SPOCK3: variants seen among roughly 807,000 people sequenced by gnomAD.
SPOCK3 encodes testican-3.
SPOCK3 carries 30 observed loss-of-function variants against 56.6 expected under a neutral mutation model. That is an observed-to-expected ratio of 0.53 (90% CI 0.40 to 0.72). SPOCK3 has a LOEUF of 0.72. Among genes scored for constraint, SPOCK3 ranks in the 30% least tolerant of loss-of-function variants. The probability of loss-of-function intolerance (pLI) is 0.00; values close to 1 mark genes in which losing one functional copy is unlikely to be tolerated. For synonymous variants in SPOCK3, 196 were observed against 183.3 expected, an observed-to-expected ratio of 1.07 and a Z score of -0.56; for missense variants, 527 against 530.0, an observed-to-expected ratio of 0.99 and a Z score of 0.06.
intron 3 of SPOCK3, among the ~76,000 whole-genome samples, chr4:167,008,727 G>A (rs1213914287): frequency 6.6e-6 from 1 of 152,018 alleles, no homozygotes; most frequent in Non-Finnish European, 1.5e-5. Context: ...TCTAAGTGAA[G>A]TAACACAGAA....
At chr4:167,044,506 G>T (rs554836969) in intron 3 of SPOCK3, among the ~76,000 whole-genome samples, 2 of 151,986 alleles carry the variant, frequency 1.3e-5, no homozygotes, top group South Asian at 4.2e-4. Context: ...GAGCCTGTAA[G>T]ACTGATTTTA....
At chr4:167,154,087 T>C (rs906487498) in intron 2 of SPOCK3, among the ~76,000 whole-genome samples, 1 of 152,268 alleles carries the variant, frequency 6.6e-6, no homozygotes. Flanking sequence ...TTTGATAAAT[T>C]TTAATAAAAA....
chr4:166,980,906 T>C (rs1344533761), intron 4 of SPOCK3, among the ~76,000 whole-genome samples: 1 of 152,122 alleles, frequency 6.6e-6, no homozygotes, highest in Non-Finnish European at 1.5e-5. Context: ...TCACCCATAA[T>C]ATGGTGAGTG....
At chr4:166,876,404 G>A (rs1008278781) in intron 6 of SPOCK3, among the ~76,000 whole-genome samples, 15 of 152,276 alleles carry the variant, frequency 9.9e-5, no homozygotes, top group African/African-American at 3.6e-4. Context: ...CTCCGTGGAA[G>A]AGAGTTAAGA....
intron 2 of SPOCK3, among the ~76,000 whole-genome samples, chr4:167,071,012 T>C (rs1354117066): frequency 6.6e-6 from 1 of 151,874 alleles, no homozygotes; most frequent in Non-Finnish European, 1.5e-5. Context: ...GCCCCCTGAC[T>C]TACCACAGAT....
At chr4:167,096,160 A>G (rs1759134302) in intron 2 of SPOCK3, among the ~76,000 whole-genome samples, 1 of 151,998 alleles carries the variant, frequency 6.6e-6, no homozygotes, top group African/African-American at 2.4e-5. Context: ...AAGCTTCAAT[A>G]TCATTCAGAT....
chr4:167,127,603 T>G (rs1197133262), intron 2 of SPOCK3, among the ~76,000 whole-genome samples: 1 of 152,040 alleles, frequency 6.6e-6, no homozygotes, highest in Non-Finnish European at 1.5e-5. Flanking sequence ...AATTTTTGTA[T>G]TTTTAGTAGA....
intron 4 of SPOCK3, among the ~76,000 whole-genome samples, chr4:166,950,848 T>A (rs922996037): frequency 4.0e-5 from 6 of 148,316 alleles, no homozygotes; most frequent in Non-Finnish European, 5.9e-5. Context: ...GGGTACATAA[T>A]GAAATGAAGG....
chr4:167,057,180 C>A (rs1383990910), intron 3 of SPOCK3, among the ~76,000 whole-genome samples: 1 of 152,150 alleles, frequency 6.6e-6, no homozygotes, highest in Non-Finnish European at 1.5e-5. Context: ...CATATCCAGC[C>A]AAACTAAGCT....
In SPOCK3 at chr4:167,160,379, A is replaced by G. The variant is rs540667043; in HGVS notation, c.189+73606T>C. ...AAGGAGAACTACAAACCACTGCTCAATGAAATAAAAGAGGATACAAACAAA... is the reference window on the plus strand; with the variant it reads ...AAGGAGAACTACAAACCACTGCTCAGTGAAATAAAAGAGGATACAAACAAA... On this transcript the variant is annotated intron_variant, in intron 2 of 10. Coordinates refer to ENST00000357545, the MANE Select transcript of SPOCK3 (RefSeq NM_001040159.2). Among the ~76,000 whole-genome samples, 1,516 of 152,150 alleles carry G rather than the reference A, an allele frequency of 1.0e-2. 22 individuals are homozygous for G. The highest frequency in any genetic ancestry group is 0.034 in the African/African-American group (1,419 of 41,444).
intron 4 of SPOCK3, among the ~76,000 whole-genome samples, chr4:166,936,498 A>G (rs2150006995): frequency 6.6e-6 from 1 of 152,254 alleles, no homozygotes; most frequent in South Asian, 2.1e-4. Context: ...CAAATCTATT[A>G]CAGCAAAGTG....
intron 2 of SPOCK3, among the ~76,000 whole-genome samples, chr4:167,220,144 T>A (rs1446720242): frequency 3.3e-5 from 5 of 152,156 alleles, no homozygotes; most frequent in African/African-American, 1.2e-4. Context: ...ACAAATGATA[T>A]GTATGTTGAT....
At chr4:166,776,582 T>A (rs1371245473) in intron 7 of SPOCK3, among the ~76,000 whole-genome samples, 1 of 152,150 alleles carries the variant, frequency 6.6e-6, no homozygotes, top group Non-Finnish European at 1.5e-5. Flanking sequence ...CTAAGTGAGA[T>A]TACAGGTAGA....
intron 3 of SPOCK3, among the ~76,000 whole-genome samples, chr4:167,016,575 T>C (rs1433848117): frequency 6.6e-6 from 1 of 151,494 alleles, no homozygotes; most frequent in Non-Finnish European, 1.5e-5. Context: ...TTGGTCTTGC[T>C]CTGTCACCAG....
chr4:166,864,693 A>G (rs899523096), intron 6 of SPOCK3, among the ~76,000 whole-genome samples: 6 of 152,170 alleles, frequency 3.9e-5, no homozygotes, highest in African/African-American at 1.2e-4. Context: ...AGAAATGAAT[A>G]AATTCCTGCA....
chr4:166,891,372 G>A (rs1375947746), intron 5 of SPOCK3, among the ~76,000 whole-genome samples: 5 of 151,920 alleles, frequency 3.3e-5, no homozygotes, highest in Admixed American at 6.6e-5. Context: ...GCACCCAATA[G>A]CTAATCAGAT....
intron 7 of SPOCK3, among the ~76,000 whole-genome samples, chr4:166,771,148 T>G (rs1044004319): frequency 3.3e-5 from 5 of 150,998 alleles, no homozygotes; most frequent in Admixed American, 1.3e-4. Flanking sequence ...TAGCTATTGT[T>G]TAAAAAGTTC....
intron 2 of SPOCK3, among the ~76,000 whole-genome samples, chr4:167,188,663 A>T (rs1169994100): frequency 1.4e-5 from 2 of 146,284 alleles, no homozygotes; most frequent in Non-Finnish European, 3.0e-5. Context: ...AACAAAAACC[A>T]GTCAAAGCAA....
At chr4:167,012,169 A>G (rs185491810) in intron 3 of SPOCK3, among the ~76,000 whole-genome samples, 1 of 152,126 alleles carries the variant, frequency 6.6e-6, no homozygotes, top group Admixed American at 6.6e-5. Context: ...GATGCATACA[A>G]ACACAAATAT....
Sources: gnomAD v4.1 joint callset for allele counts (sites outside exome capture counted in the v4.1 genomes callset) on GRCh38, gnomAD v4.1.1 for gene constraint, MANE v1.5 for transcripts, NCBI Gene and HGNC (gene_info 2026-07-23, HGNC 2026-07-21) for gene names.